ALPK1: variants seen among roughly 807,000 people sequenced by gnomAD.
ALPK1 encodes alpha kinase 1.
A neutral mutation model predicts 120.6 loss-of-function variants in ALPK1; 110 were observed. The observed-to-expected ratio is 0.91, with a 90% CI of 0.78 to 1.07. The LOEUF (loss-of-function observed/expected upper bound fraction) is 1.07, where lower values mean the gene tolerates loss of function less well. Ranked by LOEUF, ALPK1 falls within the 50% of genes least tolerant of loss-of-function variation. The probability of loss-of-function intolerance (pLI) is 0.00; values close to 1 mark genes in which losing one functional copy is unlikely to be tolerated. For synonymous variants in ALPK1, 582 were observed against 560.3 expected, an observed-to-expected ratio of 1.04 and a Z score of -0.55; for missense variants, 1,498 against 1,483.9, an observed-to-expected ratio of 1.01 and a Z score of -0.16.
At chr4:112,410,710 T>C (rs1733415126) in intron 4 of ALPK1, among the ~76,000 whole-genome samples, 1 of 152,240 alleles carries the variant, frequency 6.6e-6, no homozygotes, top group South Asian at 2.1e-4. Context: ...GTCTTTAGTA[T>C]AACACCCTAG....
intron 2 of ALPK1, among the ~76,000 whole-genome samples, chr4:112,323,779 A>G (rs1399285546): frequency 6.6e-6 from 1 of 152,224 alleles, no homozygotes; most frequent in African/African-American, 2.4e-5. Flanking sequence ...TACGCTCCTT[A>G]TAAGCTAATG....
At chr4:112,363,167 C>T (rs572171755) in intron 2 of ALPK1, among the ~76,000 whole-genome samples, 16 of 152,032 alleles carry the variant, frequency 1.1e-4, no homozygotes, top group African/African-American at 2.4e-4. Flanking sequence ...CCTATAAAAC[C>T]GTAACATAAT....
At position 112,432,071 on chromosome 4, in the gene ALPK1, C is replaced by T; in HGVS notation, c.2524C>T (p.Gln842Ter). Residue 842 changes from glutamine (Q) to a stop codon, truncating the protein, a stop_gained, in exon 11 of 16, where the codon CAG becomes TAG. Coordinates refer to ENST00000650871, the MANE Select transcript of ALPK1 (RefSeq NM_025144.4). LOFTEE classifies it high-confidence loss of function. ...AAAAAGTGGTGGCCCAGTCGCAGAG[C>T]AGGGCATCGACCCTGATGCCTCCAC... ...SRKSGGPVAE[Q>*]GIDPDASTVD... 6.2e-7 allele frequency: 1 copy of T among 1,614,082 alleles called. No individual in the cohort carries two copies. The highest frequency in any genetic ancestry group is 1.3e-5 in the African/African-American group (1 of 75,040).
chr4:112,345,608 A>G (rs1035631216), intron 2 of ALPK1, among the ~76,000 whole-genome samples: 2 of 152,086 alleles, frequency 1.3e-5, no homozygotes, highest in Non-Finnish European at 2.9e-5. Context: ...ATTCATCAAG[A>G]CCATTCCTTT....
chr4:112,385,310 C>T (rs1249362904), intron 4 of ALPK1, among the ~76,000 whole-genome samples: 8 of 152,132 alleles, frequency 5.3e-5, no homozygotes, highest in African/African-American at 1.4e-4. Context: ...TGATACCTCC[C>T]GCTATGCCTC....
At chr4:112,396,437 A>T (rs1054526256) in intron 4 of ALPK1, among the ~76,000 whole-genome samples, 3 of 152,226 alleles carry the variant, frequency 2.0e-5, no homozygotes, top group African/African-American at 7.2e-5. Context: ...TAGCAAAAAC[A>T]GTCCAAAAAG....
At chr4:112,303,509 T>G (rs557335797) in intron 1 of ALPK1, among the ~76,000 whole-genome samples, 4 of 152,214 alleles carry the variant, frequency 2.6e-5, no homozygotes, top group Non-Finnish European at 5.9e-5. Flanking sequence ...TCTGAATGTC[T>G]TTTGAATCTA....
intron 11 of ALPK1, among the ~76,000 whole-genome samples, chr4:112,432,863 C>T (rs968993256): frequency 6.6e-6 from 1 of 152,206 alleles, no homozygotes; most frequent in Admixed American, 6.5e-5. Flanking sequence ...GACTCTGGCA[C>T]AGCCATCACT....
In ALPK1 at chr4:112,324,448, T is replaced by TTTTG. The variant is rs551021178; in HGVS notation, c.-101+8616_-101+8619dup. ...GGTAAGGAGAGGTTGGCCTGGCTTT[T>TTTTG]TTTGTTTGTTTGTTTGTTTGTTTTG... is the stretch of plus-strand genomic sequence containing the variant. On this transcript the variant is annotated intron_variant, in intron 2 of 15. Coordinates refer to ENST00000650871, the MANE Select transcript of ALPK1 (RefSeq NM_025144.4). 4.2e-4 allele frequency among the ~76,000 whole-genome samples: 64 copies of TTTTG among 152,230 alleles called. 1 individual carries two copies. The East Asian group carries it at 6.8e-3, about 16-fold the overall frequency.
At chr4:112,441,156 C>T (rs372748495) in intron 15 of ALPK1, 47 bp from the exon 16 acceptor site, 16 of 1,613,670 alleles carry the variant, frequency 9.9e-6, no homozygotes, top group Non-Finnish European at 1.3e-5. Flanking sequence ...TAGTGATGCT[C>T]TCAAATATCT....
intron 2 of ALPK1, among the ~76,000 whole-genome samples, chr4:112,346,279 T>G (rs1031913403): frequency 2.0e-5 from 3 of 152,234 alleles, no homozygotes; most frequent in African/African-American, 7.2e-5. Flanking sequence ...CATGGGACTT[T>G]GAGTTTTAAG....
intron 2 of ALPK1, among the ~76,000 whole-genome samples, chr4:112,316,814 C>A (rs116032495): frequency 0.016 from 2,402 of 151,864 alleles, 68 homozygotes; most frequent in African/African-American, 0.055. Context: ...TTTTTTCAAG[C>A]TTTGTCTGCT....
intron 2 of ALPK1, among the ~76,000 whole-genome samples, chr4:112,318,333 A>G (rs1728724185): frequency 6.6e-6 from 1 of 152,238 alleles, no homozygotes; most frequent in South Asian, 2.1e-4. Flanking sequence ...AAATCTTTGC[A>G]TCAGTCCTAT....
rs1735055789 is a variant in ALPK1, at chr4:112,441,919, G to A, written c.*709G>A. 2 of 152,246 alleles carry A rather than the reference G, an allele frequency of 1.3e-5. No homozygotes were observed. The highest frequency in any genetic ancestry group is 2.1e-4 in the South Asian group (1 of 4,834). 9.4% of individuals were successfully genotyped at this position (152,246 alleles called of 1,614,324 possible). A position where few individuals can be genotyped will look rare whatever the true frequency, so the allele number is the denominator to read the frequency against. On this transcript the variant is annotated 3_prime_UTR_variant, in exon 16 of 16. Coordinates refer to ENST00000650871, the MANE Select transcript of ALPK1 (RefSeq NM_025144.4). ...ACATATACACCATGGAACACTATGT[G>A]TATTAATCCACTCTCACACTGCTAT...
At chr4:112,389,047 C>CTT (rs36062437) in intron 4 of ALPK1, among the ~76,000 whole-genome samples, 85 of 138,024 alleles carry the variant, frequency 6.2e-4, no homozygotes, top group East Asian at 1.5e-3. Context: ...GCCATGCTGG[C>CTT]TTTTTTTTTT....
intron 4 of ALPK1, among the ~76,000 whole-genome samples, chr4:112,404,075 T>A (rs1435996486): frequency 6.6e-6 from 1 of 152,248 alleles, no homozygotes; most frequent in Non-Finnish European, 1.5e-5. Flanking sequence ...GCCCGCTCAT[T>A]TTCCTTTTCC....
intron 4 of ALPK1, chr4:112,384,874 T>C (rs1732083961): frequency 6.6e-6 from 1 of 152,272 alleles, no homozygotes; most frequent in South Asian, 2.1e-4. Flanking sequence ...CTGGGAACTG[T>C]TGCTTAGACT....
chr4:112,382,295 T>C lies in ALPK1; in HGVS notation c.122-103T>C, dbSNP rs1018937589. On this transcript the variant is annotated intron_variant, in intron 3 of 15. Transcript: ENST00000650871. ...GCAGGGAAAAGGTTTTTCTCTTTTT[T>C]TTTTTTTTTTTTTTTGCCACTGAGG... The C allele has an allele frequency of 4.0e-5, 27 of 668,348 alleles. No homozygotes were observed. In the East Asian group the frequency reaches 7.6e-4, roughly 19 times the overall value. 41.4% of individuals were successfully genotyped at this position (668,348 alleles called of 1,614,324 possible). A position where few individuals can be genotyped will look rare whatever the true frequency, so the allele number is the denominator to read the frequency against.
chr4:112,358,471 G>T, intron 2 of ALPK1: 1 of 666,388 alleles, frequency 1.5e-6, no homozygotes, highest in Non-Finnish European at 2.7e-6. Context: ...GTCTCGACCT[G>T]CACGTCCTTA....
Sources: allele counts gnomAD v4.1 joint callset (sites outside exome capture counted in the v4.1 genomes callset), GRCh38; gene constraint gnomAD v4.1.1; transcripts MANE v1.5; gene names NCBI Gene and HGNC (gene_info 2026-07-23, HGNC 2026-07-21).